Variants in LRP1B observed in about 807,000 individuals in gnomAD.
LRP1B encodes LDL receptor related protein 1B.
LRP1B carries 217 observed loss-of-function variants against 556.6 expected under a neutral mutation model. That is an observed-to-expected ratio of 0.39 (90% CI 0.35 to 0.44). The LOEUF is 0.44. LRP1B is among the 20% of genes least tolerant of loss of function. The pLI, the probability that LRP1B is intolerant of heterozygous loss-of-function variation, is 1.00. For synonymous variants in LRP1B, 2,047 were observed against 1,865.8 expected (o/e 1.10, Z -2.50); for missense variants, 5,053 against 5,620.8 (o/e 0.90, Z 3.23).
chr2:140,341,418 C>T (rs532792450), intron 77 of LRP1B, among the ~76,000 whole-genome samples: 1 of 151,340 alleles, frequency 6.6e-6, no homozygotes, highest in Non-Finnish European at 1.5e-5. Flanking sequence ...TGAGCATGTC[C>T]CTTCAAATGA....
intron 82 of LRP1B, 29 bp downstream of exon 82, chr2:140,321,934 T>G (rs1259965034): frequency 6.3e-6 from 10 of 1,591,676 alleles, no homozygotes; most frequent in Non-Finnish European, 8.5e-6. Context: ...GATTAATTCA[T>G]TATTTACAGA....
chr2:141,829,847 C>T (rs1271193138), intron 1 of LRP1B, among the ~76,000 whole-genome samples: 1 of 151,918 alleles, frequency 6.6e-6, no homozygotes, highest in Non-Finnish European at 1.5e-5. Flanking sequence ...TATGCCTCAA[C>T]TAAATATTCA....
rs1706595902 is a variant in LRP1B at position 142,102,312 on chromosome 2, C to G, written c.82+28336G>C. Among the ~76,000 whole-genome samples the G allele has an allele frequency of 2.6e-5, 4 of 151,450 alleles. 1 individual carries two copies. In the South Asian group the frequency reaches 8.3e-4, roughly 31 times the overall value. On this transcript the variant is annotated intron_variant, in intron 1 of 90. Transcript: ENST00000389484. ...ATTAAATGCCTGAAAATGACACAGA[C>G]ACACACACACACAAAAGAAAACATG...
At chr2:141,514,419 C>T (rs957212768) in intron 2 of LRP1B, among the ~76,000 whole-genome samples, 1 of 152,124 alleles carries the variant, frequency 6.6e-6, no homozygotes, top group African/African-American at 2.4e-5. Context: ...GTGTGCTCTG[C>T]TCACGTCTCT....
intron 29 of LRP1B, among the ~76,000 whole-genome samples, chr2:140,844,815 T>A (rs1692225736): frequency 6.6e-6 from 1 of 152,124 alleles, no homozygotes; most frequent in Non-Finnish European, 1.5e-5. Context: ...CAGGAAAAAC[T>A]CAACATGCTA....
intron 29 of LRP1B, among the ~76,000 whole-genome samples, chr2:140,846,561 T>C (rs1692279535): frequency 6.6e-6 from 1 of 150,926 alleles, no homozygotes; most frequent in South Asian, 2.1e-4. Context: ...ACTTCTAAAA[T>C]AAAAAAGAAA....
intron 49 of LRP1B, among the ~76,000 whole-genome samples, chr2:140,523,689 T>G: frequency 6.6e-6 from 1 of 151,788 alleles, no homozygotes; most frequent in East Asian, 1.9e-4. Context: ...GATGCAAAAT[T>G]AATGTATAAA....
intron 3 of LRP1B, among the ~76,000 whole-genome samples, chr2:141,420,960 G>T (rs1350461586): frequency 6.6e-6 from 1 of 152,104 alleles, no homozygotes; most frequent in African/African-American, 2.4e-5. Flanking sequence ...CCTGATGTTG[G>T]GTTGTGCCAG....
chr2:141,369,108 T>C (rs1689142096), intron 3 of LRP1B, among the ~76,000 whole-genome samples: 1 of 151,988 alleles, frequency 6.6e-6, no homozygotes, highest in East Asian at 1.9e-4. Context: ...TAAACTAAAA[T>C]AAACATCAGG....
chr2:141,582,204 G>C (rs1686976284), intron 2 of LRP1B, among the ~76,000 whole-genome samples: 1 of 152,148 alleles, frequency 6.6e-6, no homozygotes, highest in Non-Finnish European at 1.5e-5. Flanking sequence ...CTATATTCCT[G>C]TCTTAGTCTA....
At chr2:141,688,416 A>T (rs1235182886) in intron 2 of LRP1B, among the ~76,000 whole-genome samples, 1 of 151,926 alleles carries the variant, frequency 6.6e-6, no homozygotes, top group Admixed American at 6.6e-5. Flanking sequence ...CATACTAATT[A>T]TTAATATCAC....
Position 141,188,567 on chromosome 2 carries a change from C to T in LRP1B, c.867G>A (p.Ala289=), listed in dbSNP as rs1204030344. 13 of 1,611,936 alleles carry T rather than the reference C, an allele frequency of 8.1e-6. No individual in the cohort carries two copies. Among genetic ancestry groups the T allele is most frequent in the South Asian group, 5.5e-5 (5 of 90,968 alleles). ...LQSFHNVQQM[A]IDWLTRNLYF... is the part of the protein sequence containing the mutation. ...AGAGATTTCGAGTGAGCCAGTCAATCGCCATTTGTTGCACATCTGAAAAAC... is the reference window on the plus strand; with the variant it reads ...AGAGATTTCGAGTGAGCCAGTCAATTGCCATTTGTTGCACATCTGAAAAAC... Residue 289 remains alanine (A), a synonymous_variant, in exon 7 of 91, where the codon GCG becomes GCA. Coordinates refer to ENST00000389484, the MANE Select transcript of LRP1B (RefSeq NM_018557.3).
At chr2:140,368,790 C>A (rs537951282) in intron 71 of LRP1B, among the ~76,000 whole-genome samples, 1 of 151,882 alleles carries the variant, frequency 6.6e-6, no homozygotes, top group South Asian at 2.1e-4. Flanking sequence ...TCCTCAATGC[C>A]TTAAAATGCC....
At chr2:141,999,275 T>G (rs939579804) in intron 1 of LRP1B, among the ~76,000 whole-genome samples, 1 of 152,130 alleles carries the variant, frequency 6.6e-6, no homozygotes, top group Non-Finnish European at 1.5e-5. Flanking sequence ...ACTAGATTTT[T>G]GGGTTCATTT....
chr2:141,278,914 C>T (rs1335588890), intron 3 of LRP1B, among the ~76,000 whole-genome samples: 1 of 152,134 alleles, frequency 6.6e-6, no homozygotes, highest in African/African-American at 2.4e-5. Flanking sequence ...ATTGCACAGG[C>T]AGAATACACA....
At chr2:140,259,292 C>T (rs893801318) in intron 86 of LRP1B, among the ~76,000 whole-genome samples, 1 of 151,966 alleles carries the variant, frequency 6.6e-6, no homozygotes, top group Non-Finnish European at 1.5e-5. Context: ...AAACATACAA[C>T]AAACAAAAGG....
intron 71 of LRP1B, among the ~76,000 whole-genome samples, chr2:140,369,358 T>C (rs1022056946): frequency 2.6e-5 from 4 of 151,896 alleles, no homozygotes; most frequent in African/African-American, 9.7e-5. Flanking sequence ...GTGGTAGTGA[T>C]TGAAGCTGAG....
chr2:140,440,082 C>G (rs567108007), intron 66 of LRP1B, among the ~76,000 whole-genome samples: 1 of 151,914 alleles, frequency 6.6e-6, no homozygotes, highest in African/African-American at 2.4e-5. Flanking sequence ...CTACAATGTT[C>G]GGACTTTAGA....
intron 6 of LRP1B, among the ~76,000 whole-genome samples, chr2:141,212,564 G>T (rs536378163): frequency 1.3e-5 from 2 of 151,566 alleles, no homozygotes; most frequent in Admixed American, 6.6e-5. Context: ...GATTACACAC[G>T]TGAGCGACCA....
Sources: allele counts gnomAD v4.1 joint callset (sites outside exome capture counted in the v4.1 genomes callset), GRCh38; gene constraint gnomAD v4.1.1; transcripts MANE v1.5; gene names NCBI Gene and HGNC (gene_info 2026-07-23, HGNC 2026-07-21).